The following PARD3 variants were observed in gnomAD, a reference collection of about 807,000 sequenced individuals.
PARD3 encodes par-3 family cell polarity regulator, also known as partitioning defective 3 homolog.
Under a neutral mutation model 155.4 loss-of-function variants are expected in PARD3, and 75 were observed. The ratio of observed to expected loss-of-function variants is 0.48; its 90% CI spans 0.40 to 0.58. The LOEUF (loss-of-function observed/expected upper bound fraction) is 0.58, where lower values mean the gene tolerates loss of function less well. PARD3 is among the 20% of genes least tolerant of loss of function. The pLI, the probability that PARD3 is intolerant of heterozygous loss-of-function variation, is 0.00. For synonymous variants in PARD3, 576 were observed against 610.5 expected, an observed-to-expected ratio of 0.94 and a Z score of 0.83; for missense variants, 1,642 against 1,721.7, an observed-to-expected ratio of 0.95 and a Z score of 0.82.
At chr10:34,139,151 T>C (rs1948055785) in intron 22 of PARD3, among the ~76,000 whole-genome samples, 1 of 152,212 alleles carries the variant, frequency 6.6e-6, no homozygotes, top group African/African-American at 2.4e-5. Flanking sequence ...AACATCATCA[T>C]GGTCTGCATC....
intron 2 of PARD3, among the ~76,000 whole-genome samples, chr10:34,587,882 G>C (rs191986933): frequency 2.0e-5 from 3 of 152,294 alleles, no homozygotes; most frequent in Non-Finnish European, 2.9e-5. Context: ...CTCAGGGCTG[G>C]CTCCGTGGGT....
intron 7 of PARD3, among the ~76,000 whole-genome samples, chr10:34,395,096 G>A (rs1001578555): frequency 5.9e-5 from 9 of 152,040 alleles, no homozygotes; most frequent in Admixed American, 2.0e-4. Flanking sequence ...GTGCAGTGGC[G>A]TGATCTTGGC....
intron 9 of PARD3, among the ~76,000 whole-genome samples, chr10:34,381,749 T>C (rs1841847400): frequency 6.6e-6 from 1 of 151,366 alleles, no homozygotes; most frequent in African/African-American, 2.4e-5. Flanking sequence ...CTGGGCAACA[T>C]GGCAAGACTC....
At chr10:34,585,275 T>G (rs1364760220) in intron 2 of PARD3, among the ~76,000 whole-genome samples, 1 of 152,174 alleles carries the variant, frequency 6.6e-6, no homozygotes, top group Non-Finnish European at 1.5e-5. Context: ...ATAGCCTTTT[T>G]AAAATTAAGT....
At chr10:34,504,608 A>C (rs2080938608) in intron 3 of PARD3, among the ~76,000 whole-genome samples, 1 of 152,172 alleles carries the variant, frequency 6.6e-6, no homozygotes, top group Non-Finnish European at 1.5e-5. Context: ...GCCCAGAGAG[A>C]GACTACCAGC....
rs910110052 is a variant in PARD3, at chr10:34,725,777, T to G, written c.121-29358A>C. On this transcript the variant is annotated intron_variant, in intron 1 of 24. Coordinates refer to ENST00000374788, the MANE Select transcript of PARD3 (RefSeq NM_001184785.2). ...TCAGATGACACAATGTCCAGCCAGC[T>G]TGGGTAGCTAACACCAGGACTGCAA... 2.6e-5 allele frequency among the ~76,000 whole-genome samples: 4 copies of G among 152,320 alleles called. No individual in the cohort carries two copies. The South Asian group carries it at 8.3e-4, about 32-fold the overall frequency.
intron 22 of PARD3, among the ~76,000 whole-genome samples, chr10:34,213,462 G>C (rs1031123219): frequency 5.9e-5 from 9 of 152,052 alleles, no homozygotes; most frequent in Admixed American, 5.2e-4. Context: ...AGTTTTGGTG[G>C]GGATGAACTA....
chr10:34,608,803 G>C (rs2090666478), intron 2 of PARD3, among the ~76,000 whole-genome samples: 1 of 152,030 alleles, frequency 6.6e-6, no homozygotes, highest in South Asian at 2.1e-4. Flanking sequence ...CAAAGTGCTA[G>C]GATTACAGGC....
At chr10:34,204,440 C>T (rs1951368852) in intron 22 of PARD3, among the ~76,000 whole-genome samples, 1 of 152,186 alleles carries the variant, frequency 6.6e-6, no homozygotes. Context: ...CACTTGCAAA[C>T]AGCATGCAGT....
chr10:34,453,395 A>C (rs754185833), intron 4 of PARD3, among the ~76,000 whole-genome samples: 4 of 152,136 alleles, frequency 2.6e-5, no homozygotes, highest in Non-Finnish European at 5.9e-5. Flanking sequence ...GCTATTTCTA[A>C]TCTTACAGGG....
At chr10:34,371,146 CT>C (rs990690812) in intron 12 of PARD3, among the ~76,000 whole-genome samples, 8 of 151,894 alleles carry the variant, frequency 5.3e-5, no homozygotes, top group African/African-American at 1.9e-4. Flanking sequence ...CAATTATTGT[CT>C]TTTCAAAGAG....
chr10:34,733,971 A>G (rs2094865177), intron 1 of PARD3, among the ~76,000 whole-genome samples: 2 of 151,674 alleles, frequency 1.3e-5, no homozygotes, highest in Non-Finnish European at 1.5e-5. Context: ...TACCATAAGC[A>G]GTCATAGAAA....
intron 1 of PARD3, among the ~76,000 whole-genome samples, chr10:34,769,456 G>A (rs1838553267): frequency 6.6e-6 from 1 of 151,950 alleles, no homozygotes; most frequent in South Asian, 2.1e-4. Context: ...CTCTCCAGGT[G>A]AAAATCATTA....
At chr10:34,187,700 A>G (rs1950546234) in intron 22 of PARD3, among the ~76,000 whole-genome samples, 1 of 152,244 alleles carries the variant, frequency 6.6e-6, no homozygotes, top group African/African-American at 2.4e-5. Context: ...AAATTGACTT[A>G]CATGACATTC....
intron 22 of PARD3, among the ~76,000 whole-genome samples, chr10:34,202,507 C>T (rs1951266746): frequency 1.3e-5 from 2 of 152,194 alleles, no homozygotes; most frequent in Admixed American, 1.3e-4. Flanking sequence ...GTCCAAATGT[C>T]ACACTGCATA....
chr10:34,395,427 TCTA>T (rs1247760881), intron 7 of PARD3, among the ~76,000 whole-genome samples: 2 of 152,196 alleles, frequency 1.3e-5, no homozygotes, highest in Non-Finnish European at 2.9e-5. Flanking sequence ...TAAATGTTTT[TCTA>T]CTAAGAAAAT....
chr10:34,581,234 CTTT>C (rs779658592), intron 2 of PARD3, among the ~76,000 whole-genome samples: 1 of 101,268 alleles, frequency 9.9e-6, no homozygotes, highest in Non-Finnish European at 1.9e-5. Flanking sequence ...TTTTTCTTTT[CTTT>C]TTTTTTTTTT....
At chr10:34,300,496 A>AAATG (rs745368161) in intron 20 of PARD3, among the ~76,000 whole-genome samples, 8 of 152,124 alleles carry the variant, frequency 5.3e-5, no homozygotes, top group Admixed American at 2.0e-4. Context: ...CTCTACAAAT[A>AAATG]AATGAATGAA....
chr10:34,426,711 T>G (rs2075626632), intron 5 of PARD3: 3 of 152,098 alleles, frequency 2.0e-5, no homozygotes, highest in Non-Finnish European at 4.4e-5. Flanking sequence ...TAGGAGACCT[T>G]CAATAAGTTA....
Sources: allele counts gnomAD v4.1 joint callset (sites outside exome capture counted in the v4.1 genomes callset), GRCh38; gene constraint gnomAD v4.1.1; transcripts MANE v1.5; gene names NCBI Gene and HGNC (gene_info 2026-07-23, HGNC 2026-07-21).